The following SGK1 variants were observed in gnomAD, a reference collection of about 807,000 sequenced individuals.
SGK1 encodes the protein serine/threonine-protein kinase Sgk1.
In SGK1, 26 loss-of-function variants were observed where a neutral mutation model predicts 64.2. The ratio of observed to expected loss-of-function variants is 0.40; its 90% CI spans 0.30 to 0.56. The LOEUF is 0.56. SGK1 is among the 20% of genes least tolerant of loss of function. The probability of loss-of-function intolerance (pLI) is 0.38; values close to 1 mark genes in which losing one functional copy is unlikely to be tolerated. For missense variants in SGK1, 519 were observed against 645.6 expected (o/e 0.80, Z 2.12); for synonymous variants, 265 against 239.7 (o/e 1.11, Z -0.98).
At chr6:134,226,847 G>A (rs1318360904) in intron 2 of SGK1, among the ~76,000 whole-genome samples, 2 of 152,006 alleles carry the variant, frequency 1.3e-5, no homozygotes, top group African/African-American at 4.8e-5. Flanking sequence ...CACCATGCTT[G>A]GCTAATTTGT....
intron 3 of SGK1, among the ~76,000 whole-genome samples, chr6:134,193,486 T>C (rs938765516): frequency 1.3e-5 from 2 of 151,998 alleles, no homozygotes; most frequent in African/African-American, 2.4e-5. Flanking sequence ...GCCTCCCAAG[T>C]AGCTGGGACT....
intron 2 of SGK1, among the ~76,000 whole-genome samples, chr6:134,235,518 G>T (rs907639929): frequency 7.5e-6 from 1 of 133,884 alleles, no homozygotes; most frequent in African/African-American, 2.7e-5. Context: ...TTTTGACAAG[G>T]AGGAAGTGGA....
intron 3 of SGK1, among the ~76,000 whole-genome samples, chr6:134,199,386 G>A (rs376460772): frequency 7.9e-5 from 12 of 151,586 alleles, no homozygotes; most frequent in South Asian, 2.1e-4. Flanking sequence ...TGGTGAAACC[G>A]GATCTCTACT....
intron 1 of SGK1, among the ~76,000 whole-genome samples, chr6:134,269,380 T>G (rs995792386): frequency 1.4e-5 from 2 of 147,332 alleles, no homozygotes; most frequent in African/African-American, 4.9e-5. Context: ...ATTACTTGGA[T>G]AGGTCAATAG....
At chr6:134,311,186 C>G (rs1292677755) in intron 1 of SGK1, among the ~76,000 whole-genome samples, 1 of 152,122 alleles carries the variant, frequency 6.6e-6, no homozygotes, top group Non-Finnish European at 1.5e-5. Flanking sequence ...TCTGAGCCAC[C>G]AAAGCCTGTT....
intron 2 of SGK1, among the ~76,000 whole-genome samples, chr6:134,229,256 A>G (rs1490854681): frequency 2.0e-5 from 3 of 152,354 alleles, no homozygotes; most frequent in Middle Eastern, 3.4e-3. Context: ...CTTGGTCTGT[A>G]AACGTCCCTT....
intron 2 of SGK1, among the ~76,000 whole-genome samples, chr6:134,232,473 A>AAGAGAAAG (rs766770696): frequency 3.1e-5 from 3 of 96,106 alleles, no homozygotes; most frequent in Non-Finnish European, 6.0e-5. Context: ...GAAAGAAAGA[A>AAGAGAAAG]AGAAAGAAAG....
intron 2 of SGK1, among the ~76,000 whole-genome samples, chr6:134,238,107 T>C (rs528262283): frequency 3.9e-5 from 6 of 152,314 alleles, no homozygotes; most frequent in Non-Finnish European, 7.3e-5. Context: ...TGGGAAAAGA[T>C]TGACTTCCAG....
chr6:134,211,486 G>A (rs1437619138), intron 2 of SGK1: 2 of 161,024 alleles, frequency 1.2e-5, no homozygotes, highest in African/African-American at 4.8e-5. Flanking sequence ...ATTTGGCCAG[G>A]GTTCTCGCTC....
At chr6:134,297,870 T>C in intron 1 of SGK1, 1 of 789,422 alleles carries the variant, frequency 1.3e-6, no homozygotes, top group Non-Finnish European at 2.3e-6. Flanking sequence ...CTCCTCATAT[T>C]TGATCTGGTA....
chr6:134,273,031 T>C lies in SGK1; in HGVS notation c.70-10883A>G, dbSNP rs373282073. On this transcript the variant is annotated intron_variant, in intron 1 of 13. Coordinates refer to ENST00000367858, the MANE Select transcript of SGK1 (RefSeq NM_001143676.3). ...TTTCAGAGGGGCTGATACATGAGAC[T>C]GCGGTTTATCACAGCAGGTCTACCC... Among the ~76,000 whole-genome samples the C allele has an allele frequency of 1.4e-4, 21 of 148,320 alleles. 4 individuals are homozygous for C. In the East Asian group the frequency reaches 2.4e-3, roughly 17 times the overall value.
At chr6:134,261,834 T>C in intron 2 of SGK1, 99 bp downstream of exon 2, 1 of 857,808 alleles carries the variant, frequency 1.2e-6, no homozygotes, top group South Asian at 1.4e-5. Flanking sequence ...AAATATGCAT[T>C]AAAAAATTAT....
At chr6:134,285,249 G>A (rs934299169) in intron 1 of SGK1, among the ~76,000 whole-genome samples, 4 of 151,926 alleles carry the variant, frequency 2.6e-5, no homozygotes, top group East Asian at 1.9e-4. Context: ...GCCTGAGGTC[G>A]GCAGATTGCC....
chr6:134,260,367 G>GGCCC (rs1491556165), intron 2 of SGK1: 12 of 56,796 alleles, frequency 2.1e-4, no homozygotes, highest in Non-Finnish European at 3.2e-4. Context: ...CCCTGTCCCC[G>GGCCC]ACCCCCACCC....
rs191090930 is a variant in SGK1, at chr6:134,254,830, A to G, written c.285+7103T>C. ...TTCATCTTCAACTTGCTTTTCTAGCATAATATACCATGGGATATGTCAATA... is the reference window on the plus strand; with the variant it reads ...TTCATCTTCAACTTGCTTTTCTAGCGTAATATACCATGGGATATGTCAATA... On this transcript the variant is annotated intron_variant, in intron 2 of 13. Coordinates refer to ENST00000367858, the MANE Select transcript of SGK1 (RefSeq NM_001143676.3). 1.7e-3 allele frequency among the ~76,000 whole-genome samples: 258 copies of G among 152,348 alleles called. 1 individual carries two copies. Among genetic ancestry groups the G allele is most frequent in the Admixed American group, 5.4e-3 (82 of 15,298 alleles).
At chr6:134,170,797 C>G (rs1774990719) in intron 13 of SGK1, 29 bp downstream of exon 13, 1 of 1,427,592 alleles carries the variant, frequency 7.0e-7, no homozygotes, top group Non-Finnish European at 9.8e-7. Flanking sequence ...TTGGGCTTCT[C>G]TATACTTAGA....
At chr6:134,197,338 G>A (rs1775608955) in intron 3 of SGK1, among the ~76,000 whole-genome samples, 1 of 152,076 alleles carries the variant, frequency 6.6e-6, no homozygotes, top group African/African-American at 2.4e-5. Flanking sequence ...CTTGAGATGT[G>A]GTACTACTTG....
At chr6:134,245,737 T>TC (rs1484734324) in intron 2 of SGK1, among the ~76,000 whole-genome samples, 1 of 152,048 alleles carries the variant, frequency 6.6e-6, no homozygotes, top group Non-Finnish European at 1.5e-5. Context: ...ATGCCTATAA[T>TC]CCCAGAACTT....
chr6:134,183,502 G>A (rs763319187), intron 3 of SGK1, among the ~76,000 whole-genome samples: 15 of 152,326 alleles, frequency 9.8e-5, no homozygotes, highest in East Asian at 1.9e-4. Context: ...GATGGGCAGC[G>A]TTGCTGTACT....
Sources: gnomAD v4.1 joint callset for allele counts (sites outside exome capture counted in the v4.1 genomes callset) on GRCh38, gnomAD v4.1.1 for gene constraint, MANE v1.5 for transcripts, NCBI Gene and HGNC (gene_info 2026-07-23, HGNC 2026-07-21) for gene names.